Variants in GHR observed in about 807,000 individuals in gnomAD.
The protein encoded by GHR is GH receptor.
In GHR, 35 loss-of-function variants were observed where a neutral mutation model predicts 67.1. The ratio of observed to expected loss-of-function variants is 0.52; its 90% CI spans 0.40 to 0.69. The LOEUF (loss-of-function observed/expected upper bound fraction) is 0.69, where lower values mean the gene tolerates loss of function less well. Ranked by LOEUF, GHR falls within the 30% of genes least tolerant of loss-of-function variation. The probability of loss-of-function intolerance (pLI) is 0.00; values close to 1 mark genes in which losing one functional copy is unlikely to be tolerated. For synonymous variants in GHR, 272 were observed against 269.1 expected, an observed-to-expected ratio of 1.01 and a Z score of -0.10; for missense variants, 792 against 764.6, an observed-to-expected ratio of 1.04 and a Z score of -0.42.
At chr5:42,570,511 GTATT>G (rs1358603965) in intron 2 of GHR, among the ~76,000 whole-genome samples, 3 of 152,138 alleles carry the variant, frequency 2.0e-5, no homozygotes, top group African/African-American at 4.8e-5. Context: ...GGAATTTCAT[GTATT>G]TATTTATTTA....
chr5:42,531,313 C>T (rs1278973183), intron 1 of GHR, among the ~76,000 whole-genome samples: 1 of 151,874 alleles, frequency 6.6e-6, no homozygotes, highest in African/African-American at 2.4e-5. Context: ...GTCACTGATT[C>T]TGTTTCTAAG....
At chr5:42,614,083 C>T (rs148121961) in intron 2 of GHR, among the ~76,000 whole-genome samples, 264 of 152,102 alleles carry the variant, frequency 1.7e-3, no homozygotes, top group African/African-American at 5.9e-3. Flanking sequence ...CTTAGTAATC[C>T]CAGCTCAGAA....
intron 1 of GHR, chr5:42,465,835 T>TC: frequency 6.5e-6 from 5 of 766,258 alleles, no homozygotes; most frequent in Non-Finnish European, 1.2e-5. Flanking sequence ...CTTGAATAGG[T>TC]CGGTCAATAA....
chr5:42,568,323 T>A (rs758756222), intron 2 of GHR, among the ~76,000 whole-genome samples: 4 of 152,184 alleles, frequency 2.6e-5, no homozygotes, highest in Non-Finnish European at 4.4e-5. Flanking sequence ...GTAATAGATG[T>A]TTTCTGTCTC....
intron 2 of GHR, among the ~76,000 whole-genome samples, chr5:42,625,814 G>A (rs1268943695): frequency 1.3e-5 from 2 of 152,018 alleles, no homozygotes; most frequent in African/African-American, 4.8e-5. Context: ...CTGGATCTGG[G>A]AAGGAAGGAA....
intron 3 of GHR, among the ~76,000 whole-genome samples, chr5:42,634,661 AGAG>A (rs939701619): frequency 2.6e-5 from 4 of 152,214 alleles, no homozygotes; most frequent in Non-Finnish European, 1.5e-5. Flanking sequence ...ATAAAGATAT[AGAG>A]GAGGAGAATT....
intron 6 of GHR, among the ~76,000 whole-genome samples, chr5:42,708,090 T>C (rs912931372): frequency 6.6e-6 from 1 of 152,148 alleles, no homozygotes; most frequent in Non-Finnish European, 1.5e-5. Flanking sequence ...TGGTGAGGAA[T>C]GGTTAATTTA....
At chr5:42,527,307 A>G (rs1157952956) in intron 1 of GHR, among the ~76,000 whole-genome samples, 2 of 152,168 alleles carry the variant, frequency 1.3e-5, no homozygotes, top group Non-Finnish European at 2.9e-5. Flanking sequence ...GAAAGACCCA[A>G]TGGTATCCTG....
At chr5:42,534,496 A>T (rs1156737703) in intron 1 of GHR, among the ~76,000 whole-genome samples, 1 of 143,060 alleles carries the variant, frequency 7.0e-6, no homozygotes, top group Non-Finnish European at 1.5e-5. Flanking sequence ...ATATGTATGT[A>T]TATATGTACA....
At chr5:42,447,777 T>G (rs1328024408) in intron 1 of GHR, among the ~76,000 whole-genome samples, 1 of 146,546 alleles carries the variant, frequency 6.8e-6, no homozygotes, top group East Asian at 2.2e-4. Flanking sequence ...CTCTCTCTCT[T>G]TCTTTCCTCT....
intron 1 of GHR, among the ~76,000 whole-genome samples, chr5:42,477,736 T>C (rs1040964772): frequency 1.3e-5 from 2 of 152,222 alleles, no homozygotes; most frequent in Non-Finnish European, 2.9e-5. Flanking sequence ...GGTTGTTTGT[T>C]TTTTTCTTGT....
intron 3 of GHR, among the ~76,000 whole-genome samples, chr5:42,643,121 C>A (rs1429551912): frequency 6.6e-6 from 1 of 152,102 alleles, no homozygotes; most frequent in African/African-American, 2.4e-5. Flanking sequence ...ACAGTTCAAC[C>A]CATTACACAT....
At chr5:42,520,435 C>A (rs1747424120) in intron 1 of GHR, among the ~76,000 whole-genome samples, 1 of 152,092 alleles carries the variant, frequency 6.6e-6, no homozygotes, top group South Asian at 2.1e-4. Context: ...AGTTGCAATG[C>A]CTTTTATAGC....
At chr5:42,447,302 C>T (rs1381783401) in intron 1 of GHR, among the ~76,000 whole-genome samples, 1 of 152,074 alleles carries the variant, frequency 6.6e-6, no homozygotes, top group African/African-American at 2.4e-5. Flanking sequence ...CCCCTCCCAC[C>T]CTTCTCCCTG....
In GHR at chr5:42,687,309, GA is replaced by G. The variant is rs550589531; in HGVS notation, c.137-1574del. 8.1e-3 allele frequency among the ~76,000 whole-genome samples: 1,233 copies of G among 152,166 alleles called. 7 individuals are homozygous for G. The highest frequency in any genetic ancestry group is 0.013 in the Non-Finnish European group (864 of 68,004). On this transcript the variant is annotated intron_variant, in intron 3 of 9. Transcript: ENST00000230882. ...ACCATTGACTTTCTTCACAGAATTG[GA>G]AAAAAACTACTTTAGATTTCATATG...
chr5:42,539,171 T>A (rs918730777), intron 1 of GHR, among the ~76,000 whole-genome samples: 1 of 152,122 alleles, frequency 6.6e-6, no homozygotes, highest in African/African-American at 2.4e-5. Flanking sequence ...ACCTCCTGAA[T>A]TCTTTCTCAG....
chr5:42,566,667 G>A (rs1749959078), intron 2 of GHR, among the ~76,000 whole-genome samples: 1 of 132,948 alleles, frequency 7.5e-6, no homozygotes, highest in Admixed American at 7.1e-5. Context: ...TAACGGGTGG[G>A]AGACTTTTTT....
chr5:42,627,574 A>C (rs34287394), intron 2 of GHR, among the ~76,000 whole-genome samples: 66 of 152,370 alleles, frequency 4.3e-4, no homozygotes, highest in Non-Finnish European at 8.2e-4. Flanking sequence ...GAAATGAGCG[A>C]GTTCCCTGAT....
chr5:42,431,702 A>G (rs148169961), intron 1 of GHR, among the ~76,000 whole-genome samples: 193 of 152,292 alleles, frequency 1.3e-3, no homozygotes, highest in African/African-American at 4.5e-3. Flanking sequence ...TATATTCCCA[A>G]TGAATTATAC....
Sources: gnomAD v4.1 joint callset for allele counts (sites outside exome capture counted in the v4.1 genomes callset) on GRCh38, gnomAD v4.1.1 for gene constraint, MANE v1.5 for transcripts, NCBI Gene and HGNC (gene_info 2026-07-23, HGNC 2026-07-21) for gene names.